PLA2G4A: variants seen among roughly 807,000 people sequenced by gnomAD.
PLA2G4A encodes phospholipase A2 group IVA.
A neutral mutation model predicts 81.9 loss-of-function variants in PLA2G4A; 40 were observed. The ratio of observed to expected loss-of-function variants is 0.49; its 90% CI spans 0.38 to 0.64. PLA2G4A has a LOEUF of 0.64. PLA2G4A is among the 30% of genes least tolerant of loss of function. The probability of loss-of-function intolerance (pLI) is 0.00; values close to 1 mark genes in which losing one functional copy is unlikely to be tolerated. For missense variants in PLA2G4A, 715 were observed against 905.1 expected (o/e 0.79, Z 2.69); for synonymous variants, 302 against 296.9 (o/e 1.02, Z -0.18).
At chr1:186,836,670 G>T (rs1235859048) in intron 1 of PLA2G4A, among the ~76,000 whole-genome samples, 1 of 152,104 alleles carries the variant, frequency 6.6e-6, no homozygotes, top group African/African-American at 2.4e-5. Flanking sequence ...GGAATTGTTG[G>T]TCACTGAGCA....
intron 7 of PLA2G4A, among the ~76,000 whole-genome samples, chr1:186,915,287 T>C (rs1655098517): frequency 6.6e-6 from 1 of 152,192 alleles, no homozygotes; most frequent in South Asian, 2.1e-4. Flanking sequence ...CAATCTATTT[T>C]GACAGATAGC....
chr1:186,945,439 G>T (rs1013545889), intron 10 of PLA2G4A, among the ~76,000 whole-genome samples: 35 of 152,262 alleles, frequency 2.3e-4, no homozygotes, highest in Non-Finnish European at 3.5e-4. Context: ...TATTTTTAAA[G>T]ATTTATTCTG....
At chr1:186,844,318 C>CA (rs1227931126) in intron 1 of PLA2G4A, among the ~76,000 whole-genome samples, 1 of 151,894 alleles carries the variant, frequency 6.6e-6, no homozygotes, top group Admixed American at 6.6e-5. Context: ...CCTTAGTTTA[C>CA]AAAAAAAGCA....
At chr1:186,948,690 A>C (rs1455333162) in intron 12 of PLA2G4A, among the ~76,000 whole-genome samples, 2 of 152,146 alleles carry the variant, frequency 1.3e-5, no homozygotes, top group Non-Finnish European at 2.9e-5. Context: ...GCTAAAAGCC[A>C]AGGAAAAGGA....
At chr1:186,886,069 A>G (rs1223543066) in intron 3 of PLA2G4A, among the ~76,000 whole-genome samples, 1 of 152,142 alleles carries the variant, frequency 6.6e-6, no homozygotes, top group African/African-American at 2.4e-5. Flanking sequence ...ACCATAAGAT[A>G]TTAGTTGACA....
chr1:186,940,033 C>A lies in PLA2G4A; in HGVS notation c.972C>A (p.Cys324Ter), dbSNP rs760087737. Residue 324 changes from cysteine (C) to a stop codon, truncating the protein, a stop_gained, in exon 10 of 18, where the codon TGC (cysteine) becomes TGA (stop). Coordinates refer to ENST00000367466, the MANE Select transcript of PLA2G4A (RefSeq NM_024420.3). LOFTEE classifies it high-confidence loss of function. Reference sequence around the variant, plus strand: ...AGGAAAAAGTTAATACTGCACAATGCCCTTTACCTCTTTTCACCTGTCTTC... The same window carrying A: ...AGGAAAAAGTTAATACTGCACAATGACCTTTACCTCTTTTCACCTGTCTTC... Reference protein sequence around the residue: ...SLKEKVNTAQCPLPLFTCLHV... With the variant: ...SLKEKVNTAQ 1 of 1,608,868 alleles carries A rather than the reference C, an allele frequency of 6.2e-7. No homozygotes were observed. Among genetic ancestry groups the A allele is most frequent in the South Asian group, 1.1e-5 (1 of 90,968 alleles).
chr1:186,873,917 C>T (rs989623188), intron 3 of PLA2G4A, among the ~76,000 whole-genome samples: 1 of 152,070 alleles, frequency 6.6e-6, no homozygotes, highest in Non-Finnish European at 1.5e-5. Context: ...ATACCCAGTG[C>T]TCTAGTGATG....
At position 186,858,918 on chromosome 1, in the gene PLA2G4A, CGTGT is replaced by C. The variant is rs142558787; in HGVS notation, c.33+4550_33+4553del. On this transcript the variant is annotated intron_variant, in intron 2 of 17. Transcript: ENST00000367466. ...AAAAAAAACCAACTGTGGGTGTGTG[CGTGT>C]GTGTGTGTGTGTGTGTGTAAATTGT... 4.7e-3 allele frequency among the ~76,000 whole-genome samples: 696 copies of C among 147,862 alleles called. 2 individuals carry two copies. Among genetic ancestry groups the C allele is most frequent in the African/African-American group, 0.016 (652 of 40,448 alleles).
rs532197915 is a variant in PLA2G4A, at chr1:186,972,625, C to T, written c.1765-4968C>T. 3.9e-5 allele frequency among the ~76,000 whole-genome samples: 6 copies of T among 152,240 alleles called. No homozygotes were observed. In the South Asian group the frequency reaches 1.0e-3, roughly 26 times the overall value. On this transcript the variant is annotated intron_variant, in intron 15 of 17. Transcript: ENST00000367466. ...GTGTTGCCATACGTTGGACATAAAT[C>T]TGGCTCAGTTTTTCAGTGCTCATTT...
intron 15 of PLA2G4A, among the ~76,000 whole-genome samples, chr1:186,969,922 TAC>T (rs2102283395): frequency 6.6e-6 from 1 of 152,142 alleles, no homozygotes; most frequent in Non-Finnish European, 1.5e-5. Context: ...TTTGGGTATA[TAC>T]CCAGTAATGG....
At chr1:186,895,751 G>A (rs1654312802) in intron 5 of PLA2G4A, among the ~76,000 whole-genome samples, 1 of 152,190 alleles carries the variant, frequency 6.6e-6, no homozygotes, top group Non-Finnish European at 1.5e-5. Flanking sequence ...CATAGCAGTA[G>A]CTGATTTTGA....
intron 7 of PLA2G4A, among the ~76,000 whole-genome samples, chr1:186,924,918 C>T (rs1010901435): frequency 1.4e-4 from 21 of 152,086 alleles, no homozygotes; most frequent in African/African-American, 2.4e-4. Flanking sequence ...TATGGTAGTG[C>T]GCACCTGTAG....
intron 5 of PLA2G4A, among the ~76,000 whole-genome samples, chr1:186,897,034 C>T (rs1654357122): frequency 6.6e-6 from 1 of 151,974 alleles, no homozygotes; most frequent in Non-Finnish European, 1.5e-5. Context: ...GGTGAGGGAG[C>T]AATGGGAGAG....
At chr1:186,920,095 A>G (rs532657545) in intron 7 of PLA2G4A, among the ~76,000 whole-genome samples, 10 of 152,282 alleles carry the variant, frequency 6.6e-5, no homozygotes, top group African/African-American at 2.4e-4. Context: ...TACTTGGGCC[A>G]TTGCTTAGCT....
intron 7 of PLA2G4A, among the ~76,000 whole-genome samples, chr1:186,918,289 G>T (rs1032132370): frequency 6.6e-6 from 1 of 152,124 alleles, no homozygotes; most frequent in African/African-American, 2.4e-5. Flanking sequence ...CACCTTCTGA[G>T]GTTTCCACAC....
intron 15 of PLA2G4A, among the ~76,000 whole-genome samples, chr1:186,973,510 G>C (rs867350672): frequency 1.1e-4 from 16 of 152,184 alleles, no homozygotes; most frequent in South Asian, 2.1e-4. Context: ...TTAGGAAATG[G>C]TATTTTATAT....
In PLA2G4A at chr1:186,940,067, C is replaced by A. The variant is rs1168740258; in HGVS notation, c.1006C>A (p.Pro336Thr). The A allele has an allele frequency of 6.2e-7, 1 of 1,603,196 alleles. No homozygotes were observed. Among genetic ancestry groups the A allele is most frequent in the Non-Finnish European group, 8.5e-7 (1 of 1,170,164 alleles). ...LPLFTCLHVK[P>T]DVSELMFADW... Reference sequence around the variant, plus strand: ...TCTTTTCACCTGTCTTCATGTCAAACCTGACGTTTCAGAGCTGATGTTTGC... The same window carrying A: ...TCTTTTCACCTGTCTTCATGTCAAAACTGACGTTTCAGAGCTGATGTTTGC... The change falls in exon 10 of 18, where the codon CCT becomes ACT. Residue 336 changes from proline (P) to threonine (T), a missense_variant. By Grantham distance (38) the Pro-to-Thr change is conservative. Coordinates refer to ENST00000367466, the MANE Select transcript of PLA2G4A (RefSeq NM_024420.3).
intron 1 of PLA2G4A, among the ~76,000 whole-genome samples, chr1:186,840,021 G>A (rs1309798557): frequency 7.8e-6 from 1 of 128,902 alleles, no homozygotes; most frequent in Non-Finnish European, 1.5e-5. Flanking sequence ...TGTTGCCCAG[G>A]CTGAAGCACA....
rs755912087 is a variant in PLA2G4A, at chr1:186,965,629, A to G, written c.1764+36A>G. ...ATAATACAGCATTCCATTCTCTACC[A>G]CATTCTCTTGCTTGCCTTATAGATC... On this transcript the variant is annotated intron_variant, in intron 15 of 17. Transcript: ENST00000367466. 3 of 1,433,900 alleles carry G rather than the reference A, an allele frequency of 2.1e-6. No homozygotes were observed. In the South Asian group the frequency reaches 3.4e-5, roughly 16 times the overall value. 88.8% of individuals were successfully genotyped at this position (1,433,900 alleles called of 1,614,324 possible). A position where few individuals can be genotyped will look rare whatever the true frequency, so the allele number is the denominator to read the frequency against.
Sources: allele counts gnomAD v4.1 joint callset (sites outside exome capture counted in the v4.1 genomes callset), GRCh38; gene constraint gnomAD v4.1.1; transcripts MANE v1.5; gene names NCBI Gene and HGNC (gene_info 2026-07-23, HGNC 2026-07-21).